LUZP2: variants seen among roughly 807,000 people sequenced by gnomAD.
The protein encoded by LUZP2 is leucine zipper protein 2.
In LUZP2, 52 loss-of-function variants were observed where a neutral mutation model predicts 51.6. That is an observed-to-expected ratio of 1.01 (90% CI 0.81 to 1.27). LUZP2 has a LOEUF of 1.27. Among genes scored for constraint, LUZP2 ranks in the 50% most tolerant of loss-of-function variants. LUZP2 has a pLI of 0.00. For synonymous variants in LUZP2, 154 were observed against 137.3 expected, an observed-to-expected ratio of 1.12 and a Z score of -0.85; for missense variants, 436 against 395.4, an observed-to-expected ratio of 1.10 and a Z score of -0.87.
Position 25,080,030 on chromosome 11 carries a change from C to T in LUZP2, c.*1372C>T, listed in dbSNP as rs1322416032. ...AAAGATTTGGAGAATTGGAAAATAT[C>T]GTTAGCTGTAAAAGTAATATTATGA... On this transcript the variant is annotated 3_prime_UTR_variant, in exon 12 of 12. Transcript: ENST00000336930. 2.0e-5 allele frequency: 3 copies of T among 152,082 alleles called. No individual in the cohort carries two copies. Among genetic ancestry groups the T allele is most frequent in the Admixed American group, 1.3e-4 (2 of 15,258 alleles). The allele number at this position is 152,082 out of a possible 1,614,324, so 9.4% of individuals were successfully genotyped here.
intron 1 of LUZP2, among the ~76,000 whole-genome samples, chr11:24,635,160 C>A (rs536998251): frequency 6.6e-6 from 1 of 151,574 alleles, no homozygotes; most frequent in South Asian, 2.1e-4. Flanking sequence ...AACAAAACTG[C>A]ACTTGTACCC....
At chr11:24,599,470 C>G (rs1853550716) in intron 1 of LUZP2, among the ~76,000 whole-genome samples, 1 of 152,136 alleles carries the variant, frequency 6.6e-6, no homozygotes, top group Non-Finnish European at 1.5e-5. Flanking sequence ...ACTTTATTTG[C>G]AATTGACAAC....
At chr11:24,766,647 A>G (rs532169975) in intron 5 of LUZP2, among the ~76,000 whole-genome samples, 1 of 152,278 alleles carries the variant, frequency 6.6e-6, no homozygotes, top group South Asian at 2.1e-4. Flanking sequence ...TTAGAAGTCA[A>G]TTCCCTCAAA....
At chr11:24,510,651 T>C (rs1850280781) in intron 1 of LUZP2, among the ~76,000 whole-genome samples, 1 of 152,224 alleles carries the variant, frequency 6.6e-6, no homozygotes, top group Admixed American at 6.5e-5. Context: ...CTTACTCTGT[T>C]AAATATATAT....
At chr11:25,047,954 G>GT (rs1858369120) in intron 9 of LUZP2, among the ~76,000 whole-genome samples, 1 of 140,870 alleles carries the variant, frequency 7.1e-6, no homozygotes, top group Non-Finnish European at 1.5e-5. Flanking sequence ...CATTAGCTAG[G>GT]ATTATAGGTG....
chr11:24,754,410 T>A (rs1241038867), intron 4 of LUZP2, among the ~76,000 whole-genome samples: 1 of 152,192 alleles, frequency 6.6e-6, no homozygotes. Context: ...ATTTACCTGA[T>A]GTTTTATTAG....
intron 1 of LUZP2, among the ~76,000 whole-genome samples, chr11:24,687,260 T>C (rs2133881861): frequency 6.6e-6 from 1 of 152,130 alleles, no homozygotes; most frequent in South Asian, 2.1e-4. Flanking sequence ...AAAAAAAAAA[T>C]TTGAAACTTA....
In LUZP2 at chr11:24,511,815, A is replaced by G. The variant is rs531008502; in HGVS notation, c.62+14510A>G. Among the ~76,000 whole-genome samples the G allele has an allele frequency of 2.6e-5, 4 of 152,338 alleles. No individual in the cohort carries two copies. The South Asian group carries it at 8.3e-4, about 32-fold the overall frequency. On this transcript the variant is annotated intron_variant, in intron 1 of 11. Coordinates refer to ENST00000336930, the MANE Select transcript of LUZP2 (RefSeq NM_001009909.4). ...TTTTTCCGATGAGTGGAAAGAGAAC[A>G]CTTAAATAACGTGATATAGATGATT...
chr11:25,030,893 A>ATATAATATATATTGTAT lies in LUZP2; in HGVS notation c.766-19141_766-19140insATATATATTGTATTATA, dbSNP rs1590856052. Among the ~76,000 whole-genome samples, 72 of 40,046 alleles carry ATATAATATATATTGTAT rather than the reference A, an allele frequency of 1.8e-3. 3 individuals carry two copies. The East Asian group carries it at 0.024, about 14-fold the overall frequency. 26.3% of individuals were successfully genotyped at this position (40,046 alleles called of 152,430 possible). A position where few individuals can be genotyped will look rare whatever the true frequency, so the allele number is the denominator to read the frequency against. On this transcript the variant is annotated intron_variant, in intron 9 of 11. Coordinates refer to ENST00000336930, the MANE Select transcript of LUZP2 (RefSeq NM_001009909.4). ...GTATATGTGTGTTACTATATATATT[A>ATATAATATATATTGTAT]TATATATATATAATATATATTGTAT...
At chr11:24,928,919 T>A (rs1025663566) in intron 7 of LUZP2, among the ~76,000 whole-genome samples, 34 of 152,164 alleles carry the variant, frequency 2.2e-4, no homozygotes, top group African/African-American at 7.5e-4. Context: ...TTGTTATTGG[T>A]CTCTTCAGAG....
At chr11:24,668,571 C>A (rs1296273229) in intron 1 of LUZP2, among the ~76,000 whole-genome samples, 2 of 152,158 alleles carry the variant, frequency 1.3e-5, no homozygotes, top group Non-Finnish European at 2.9e-5. Context: ...ATGTATCCAT[C>A]ACTGAATGAA....
intron 1 of LUZP2, among the ~76,000 whole-genome samples, chr11:24,728,054 A>G (rs930077700): frequency 2.0e-5 from 3 of 152,058 alleles, no homozygotes; most frequent in Non-Finnish European, 4.4e-5. Flanking sequence ...AAATTACCCT[A>G]TTTAACACAT....
intron 7 of LUZP2, among the ~76,000 whole-genome samples, chr11:24,920,029 A>G (rs187361144): frequency 2.3e-3 from 342 of 151,924 alleles, no homozygotes; most frequent in African/African-American, 8.0e-3. Flanking sequence ...GATTATTTTG[A>G]TTTTAAATTT....
chr11:24,535,231 T>C (rs952020906), intron 1 of LUZP2, among the ~76,000 whole-genome samples: 2 of 151,554 alleles, frequency 1.3e-5, no homozygotes, highest in Non-Finnish European at 3.0e-5. Flanking sequence ...TTGATGGCTA[T>C]TGACTTATCA....
chr11:24,576,401 A>G (rs1852648622), intron 1 of LUZP2, among the ~76,000 whole-genome samples: 1 of 120,946 alleles, frequency 8.3e-6, no homozygotes, highest in Non-Finnish European at 1.6e-5. Flanking sequence ...CAACAGGGCG[A>G]GACTCCATCT....
At chr11:25,006,153 G>A (rs138822984) in intron 9 of LUZP2, among the ~76,000 whole-genome samples, 4,604 of 152,086 alleles carry the variant, frequency 0.03, 215 homozygotes, top group African/African-American at 0.1. Flanking sequence ...TGGTGAGCCC[G>A]GGTGCCTAAA....
chr11:25,007,850 T>C (rs543083221), intron 9 of LUZP2, among the ~76,000 whole-genome samples: 4 of 152,312 alleles, frequency 2.6e-5, no homozygotes, highest in East Asian at 1.9e-4. Flanking sequence ...TGCTGTGAAA[T>C]ATTTAAAAAG....
intron 9 of LUZP2, among the ~76,000 whole-genome samples, chr11:25,005,120 A>C (rs763009305): frequency 2.6e-5 from 4 of 151,892 alleles, no homozygotes; most frequent in Non-Finnish European, 1.5e-5. Context: ...CAAATTCCCC[A>C]CCCCCTACAG....
intron 9 of LUZP2, among the ~76,000 whole-genome samples, chr11:25,031,501 T>C (rs1030953502): frequency 5.9e-5 from 9 of 152,198 alleles, no homozygotes; most frequent in African/African-American, 2.2e-4. Context: ...TCATTCCAAA[T>C]AGCTTATTTG....
Sources: allele counts gnomAD v4.1 joint callset (sites outside exome capture counted in the v4.1 genomes callset), GRCh38; gene constraint gnomAD v4.1.1; transcripts MANE v1.5; gene names NCBI Gene and HGNC (gene_info 2026-07-23, HGNC 2026-07-21).